The following DYRK3 variants were observed in gnomAD, a reference collection of about 807,000 sequenced individuals.
DYRK3 encodes the protein dual specificity tyrosine-phosphorylation-regulated kinase 3.
In DYRK3, 30 loss-of-function variants were observed where a neutral mutation model predicts 40.8. That is an observed-to-expected ratio of 0.74 (90% confidence interval 0.55 to 1.00). DYRK3 has a LOEUF of 1.00. Among genes scored for constraint, DYRK3 ranks in the 50% least tolerant of loss-of-function variants. The pLI is 0.00. For missense variants in DYRK3, 699 were observed against 731.5 expected, an observed-to-expected ratio of 0.96 and a Z score of 0.51; for synonymous variants, 272 against 260.7, an observed-to-expected ratio of 1.04 and a Z score of -0.42.
intron 2 of DYRK3, among the ~76,000 whole-genome samples, chr1:206,639,798 T>C (rs983570210): frequency 8.5e-5 from 13 of 152,074 alleles, no homozygotes; most frequent in African/African-American, 3.1e-4. Flanking sequence ...GCCGATGCTA[T>C]TTACCTTCCA....
Position 206,648,135 on chromosome 1 carries a change from C to T in DYRK3, c.937C>T (p.Arg313Cys), listed in dbSNP as rs200513273. 161 of 1,614,096 alleles carry T rather than the reference C, an allele frequency of 1.0e-4. No homozygotes were observed. Among genetic ancestry groups the T allele is most frequent in the African/African-American group, 1.9e-4 (14 of 75,016 alleles). The part of the protein sequence containing the change: ...KFQGFSVQLV[R>C]KFAQSILQSL... The stretch of plus-strand genomic sequence containing the variant: ...TCAGGGTTTTAGCGTCCAGTTGGTA[C>T]GCAAGTTTGCCCAGTCCATCTTGCA... Residue 313 changes from arginine (R) to cysteine (C), a missense_variant, in exon 3 of 3, where the codon CGC becomes TGC. By Grantham distance (180) the Arg-to-Cys change is radical. Coordinates refer to ENST00000367109, the MANE Select transcript of DYRK3 (RefSeq NM_003582.4).
At position 206,644,031 on chromosome 1, in the gene DYRK3, C is replaced by CTTTTTTT. The variant is rs556718022; in HGVS notation, c.190-3342_190-3336dup. 3.7e-3 allele frequency among the ~76,000 whole-genome samples: 371 copies of CTTTTTTT among 101,024 alleles called. 34 individuals are homozygous for CTTTTTTT. The highest frequency in any genetic ancestry group is 0.012 in the African/African-American group (310 of 26,436). The allele number at this position is 101,024 out of a possible 152,430, so 66.3% of individuals were successfully genotyped here. A position where few individuals can be genotyped will look rare whatever the true frequency, so the allele number is the denominator to read the frequency against. On this transcript the variant is annotated intron_variant, in intron 2 of 2. Coordinates refer to ENST00000367109, the MANE Select transcript of DYRK3 (RefSeq NM_003582.4). ...TCAGGAAGGCAACAGGGACCTACAG[C>CTTTTTTT]TTTTTTTTTTTTTTTTTTTTTGAGA... is the stretch of plus-strand genomic sequence containing the variant.
At position 206,636,822 on chromosome 1, in the gene DYRK3, G is replaced by A. The variant is rs554893587; in HGVS notation, c.78-828G>A. The A allele has an allele frequency of 7.0e-5, 85 of 1,210,716 alleles. No individual in the cohort carries two copies. The South Asian group carries it at 1.2e-3, about 17-fold the overall frequency. 75.0% of individuals were successfully genotyped at this position (1,210,716 alleles called of 1,614,324 possible). A position where few individuals can be genotyped will look rare whatever the true frequency, so the allele number is the denominator to read the frequency against. On this transcript the variant is annotated intron_variant, in intron 1 of 2. Transcript: ENST00000367109. ...GGTAGCAGATGAAATACATTATTCA[G>A]GGCCATCTTGTGGATTAAATAAATC...
Position 206,648,246 on chromosome 1 carries a change from TCAAC to T in DYRK3, c.1052_1055del (p.Thr351ArgfsTer31). 1 of 1,614,154 alleles carries T rather than the reference TCAAC, an allele frequency of 6.2e-7. No individual in the cohort carries two copies. Among genetic ancestry groups the T allele is most frequent in the Non-Finnish European group, 8.5e-7 (1 of 1,180,022 alleles). On this transcript the variant is annotated frameshift_variant, in exon 3 of 3. Transcript: ENST00000367109. LOFTEE classifies it high-confidence loss of function. Reference sequence around the variant, plus strand: ...TCTCCTGAAACACCACGGGCGCAGTTCAACCAAGGTCATTGACTTTGGGTCCAGC... The same window carrying T: ...TCTCCTGAAACACCACGGGCGCAGTTCAAGGTCATTGACTTTGGGTCCAGC...
intron 2 of DYRK3, among the ~76,000 whole-genome samples, chr1:206,638,434 G>C (rs1360777111): frequency 6.6e-6 from 1 of 151,468 alleles, no homozygotes; most frequent in Non-Finnish European, 1.5e-5. Context: ...GTGCCACCAC[G>C]CCTGGCTAAT....
Position 206,636,847 on chromosome 1 carries a change from C to T in DYRK3, c.78-803C>T, listed in dbSNP as rs925395513. 2.7e-6 allele frequency: 4 copies of T among 1,480,750 alleles called. No homozygotes were observed. The African/African-American group carries it at 5.6e-5, about 21-fold the overall frequency. The allele number at this position is 1,480,750 out of a possible 1,614,324, so 91.7% of individuals were successfully genotyped here. A position where few individuals can be genotyped will look rare whatever the true frequency, so the allele number is the denominator to read the frequency against. ...GGGCCATCTTGTGGATTAAATAAAT[C>T]CTCTCCGTCTTTTGTGTTCCCTTAC... On this transcript the variant is annotated intron_variant, in intron 1 of 2. Coordinates refer to ENST00000367109, the MANE Select transcript of DYRK3 (RefSeq NM_003582.4).
chr1:206,649,182 T>C lies in DYRK3; in HGVS notation c.*217T>C, dbSNP rs150539050. ...ATCTGGAATATGCATTAAATGACTT[T>C]TTATAGGTCAATGCATCTTTGTTAT... On this transcript the variant is annotated 3_prime_UTR_variant, in exon 3 of 3. Coordinates refer to ENST00000367109, the MANE Select transcript of DYRK3 (RefSeq NM_003582.4). The C allele has an allele frequency of 9.4e-5, 48 of 512,698 alleles. No homozygotes were observed. Among genetic ancestry groups the C allele is most frequent in the Non-Finnish European group, 1.6e-4 (46 of 291,732 alleles). 31.8% of individuals were successfully genotyped at this position (512,698 alleles called of 1,614,324 possible).
At chr1:206,643,864 T>C (rs534590032) in intron 2 of DYRK3, among the ~76,000 whole-genome samples, 7 of 152,198 alleles carry the variant, frequency 4.6e-5, no homozygotes, top group Admixed American at 6.5e-5. Context: ...TTTAATGTAT[T>C]GAGAATTTTG....
At chr1:206,636,875 T>A (rs199858126) in intron 1 of DYRK3, 6 of 1,601,710 alleles carry the variant, frequency 3.7e-6, no homozygotes, top group Admixed American at 1.7e-5. Flanking sequence ...TCCCTTACAG[T>A]GGTGGAGCCA....
In DYRK3 at chr1:206,641,912, G is replaced by A. The variant is rs1036936359; in HGVS notation, c.189+4151G>A. 4.2e-4 allele frequency among the ~76,000 whole-genome samples: 63 copies of A among 150,796 alleles called. 3 individuals are homozygous for A. The highest frequency in any genetic ancestry group is 1.4e-3 in the African/African-American group (58 of 40,512). ...AACACCAAATGCAACGGCAACAAAAGCCAAAATTGATAAATGGGATCTAAT... is the reference window on the plus strand; with the variant it reads ...AACACCAAATGCAACGGCAACAAAAACCAAAATTGATAAATGGGATCTAAT... On this transcript the variant is annotated intron_variant, in intron 2 of 2. Coordinates refer to ENST00000367109, the MANE Select transcript of DYRK3 (RefSeq NM_003582.4).
In DYRK3 at chr1:206,650,253, T is replaced by C. The variant is rs1431984913; in HGVS notation, c.*1288T>C. On this transcript the variant is annotated 3_prime_UTR_variant, in exon 3 of 3. Transcript: ENST00000367109. The stretch of plus-strand genomic sequence containing the variant: ...TCTGTCCTCTTCCAGAACAAAAGTA[T>C]GCTCAAGTTCTATCCTAAATGTGTG... Among the ~76,000 whole-genome samples the C allele has an allele frequency of 2.0e-5, 3 of 152,234 alleles. No homozygotes were observed. The highest frequency in any genetic ancestry group is 4.4e-5 in the Non-Finnish European group (3 of 68,038).
chr1:206,642,760 C>T (rs1425583810), intron 2 of DYRK3, among the ~76,000 whole-genome samples: 2 of 151,972 alleles, frequency 1.3e-5, no homozygotes, highest in Non-Finnish European at 2.9e-5. Context: ...GAACATCACA[C>T]ACCAGGACCT....
rs1671088139 is a variant in DYRK3, at chr1:206,635,839, A to G, written c.77+59A>G. Reference sequence around the variant, plus strand: ...CCACAGGGAGCGGCTGGCGCTGGCAAGCGAAGCTTGGGGGTGGGGAGGAGG... The same window carrying G: ...CCACAGGGAGCGGCTGGCGCTGGCAGGCGAAGCTTGGGGGTGGGGAGGAGG... On this transcript the variant is annotated intron_variant, in intron 1 of 2. Coordinates refer to ENST00000367109, the MANE Select transcript of DYRK3 (RefSeq NM_003582.4). 16 of 1,240,702 alleles carry G rather than the reference A, an allele frequency of 1.3e-5. No homozygotes were observed. In the Admixed American group the frequency reaches 3.3e-4, roughly 26 times the overall value. 76.9% of individuals were successfully genotyped at this position (1,240,702 alleles called of 1,614,324 possible).
Position 206,647,528 on chromosome 1 carries a change from A to G in DYRK3, c.330A>G (p.Lys110=). The part of the protein sequence containing the change: ...IQSDGISDSE[K]CSPTVSQGKS... ...CAGATGGCATCAGTGACTCTGAAAA[A>G]TGCTCTCCTACTGTTTCTCAGGGTA... Residue 110 remains lysine (K), a synonymous_variant, in exon 3 of 3, where the codon AAA becomes AAG. Coordinates refer to ENST00000367109, the MANE Select transcript of DYRK3 (RefSeq NM_003582.4). The G allele has an allele frequency of 6.2e-7, 1 of 1,614,172 alleles. No homozygotes were observed.
intron 2 of DYRK3, among the ~76,000 whole-genome samples, chr1:206,643,592 C>G (rs187957004): frequency 5.3e-5 from 8 of 152,134 alleles, no homozygotes; most frequent in African/African-American, 1.9e-4. Flanking sequence ...GGGCATTGAT[C>G]TTCTGTTGAA....
In DYRK3 at chr1:206,648,573, G is replaced by A. The variant is rs1553420774; in HGVS notation, c.1375G>A (p.Asp459Asn). 1 of 1,614,054 alleles carries A rather than the reference G, an allele frequency of 6.2e-7. No homozygotes were observed. Among genetic ancestry groups the A allele is most frequent in the Non-Finnish European group, 8.5e-7 (1 of 1,180,026 alleles). The change falls in exon 3 of 3, where the codon GAT (aspartate) becomes AAT (asparagine). Residue 459 changes from aspartate (D) to asparagine (N), a missense_variant. By Grantham distance (23) the Asp-to-Asn change is conservative. Coordinates refer to ENST00000367109, the MANE Select transcript of DYRK3 (RefSeq NM_003582.4). ...PRYCSVTTQADGRVVLVGGRS... is the reference protein window; with the variant it reads ...PRYCSVTTQANGRVVLVGGRS... ...CTACTGCTCTGTGACTACCCAGGCA[G>A]ATGGGAGGGTTGTGCTTGTGGGGGG...
At chr1:206,640,034 A>G (rs1424497063) in intron 2 of DYRK3, among the ~76,000 whole-genome samples, 2 of 144,850 alleles carry the variant, frequency 1.4e-5, no homozygotes, top group Non-Finnish European at 3.0e-5. Context: ...TCCCGGGTTC[A>G]AGCAGTTCTC....
chr1:206,639,238 T>C (rs1553418892), intron 2 of DYRK3, among the ~76,000 whole-genome samples: 1 of 152,210 alleles, frequency 6.6e-6, no homozygotes, highest in South Asian at 2.1e-4. Flanking sequence ...TTTTGAAGGC[T>C]GGTCACCCTA....
chr1:206,653,307 C>T lies in DYRK3; in HGVS notation c.*4342C>T, dbSNP rs116585757. 4.5e-3 allele frequency among the ~76,000 whole-genome samples: 687 copies of T among 152,224 alleles called. 6 individuals carry two copies. Among genetic ancestry groups the T allele is most frequent in the African/African-American group, 0.015 (636 of 41,514 alleles). On this transcript the variant is annotated 3_prime_UTR_variant, in exon 3 of 3. Coordinates refer to ENST00000367109, the MANE Select transcript of DYRK3 (RefSeq NM_003582.4). ...TGCTGGGATTATAGGTGTGAGCGAC[C>T]GTGCCCAGCCTCATTTTTTCTTTCA... is the stretch of plus-strand genomic sequence containing the variant.
Sources: allele counts gnomAD v4.1 joint callset (sites outside exome capture counted in the v4.1 genomes callset), GRCh38; gene constraint gnomAD v4.1.1; transcripts MANE v1.5; gene names NCBI Gene and HGNC (gene_info 2026-07-23, HGNC 2026-07-21).